Variants in PRKCZ observed in about 807,000 individuals in gnomAD.
PRKCZ encodes the protein protein kinase C zeta type.
PRKCZ carries 33 observed loss-of-function variants against 79.5 expected under a neutral mutation model. The observed-to-expected ratio is 0.41, with a 90% CI of 0.31 to 0.55. The LOEUF (loss-of-function observed/expected upper bound fraction) is 0.55. Among genes scored for constraint, PRKCZ ranks in the 20% least tolerant of loss-of-function variants. The pLI, the probability that PRKCZ is intolerant of heterozygous loss-of-function variation, is 0.19. For missense variants in PRKCZ, 578 were observed against 813.5 expected (o/e 0.71, Z 3.52); for synonymous variants, 342 against 320.9 (o/e 1.07, Z -0.70).
At chr1:2,175,186 T>C (rs1685201254) in intron 15 of PRKCZ, 38 bp from the exon 16 acceptor site, 1 of 1,580,288 alleles carries the variant, frequency 6.3e-7, no homozygotes, top group Admixed American at 1.7e-5. Flanking sequence ...GCTTCCGGGA[T>C]GGGGCTGACT....
At chr1:2,109,716 C>T (rs10910046) in intron 4 of PRKCZ, among the ~76,000 whole-genome samples, 79,079 of 152,040 alleles carry the variant, frequency 0.52, 21,708 homozygotes, top group Middle Eastern at 0.63. Flanking sequence ...TTTACGGGGT[C>T]GGGCTCTCAT....
upstream of PRKCZ, among the ~76,000 whole-genome samples, chr1:2,048,722 C>T (rs1659428789): frequency 6.6e-6 from 1 of 152,076 alleles, no homozygotes; most frequent in South Asian, 2.1e-4. Flanking sequence ...GCTGGGGATG[C>T]AAAGCGGGCC....
At chr1:2,136,469 A>G (rs1676218442) in intron 5 of PRKCZ, among the ~76,000 whole-genome samples, 1 of 152,258 alleles carries the variant, frequency 6.6e-6, no homozygotes, top group South Asian at 2.1e-4. Flanking sequence ...GAGGCATCTG[A>G]TCATACTGCC....
chr1:2,168,341 A>G lies in PRKCZ; in HGVS notation c.975-1177A>G, dbSNP rs1683740321. On this transcript the variant is annotated intron_variant, in intron 10 of 17. Transcript: ENST00000378567. This position sits in a 1 kb window ranked among gnomAD's most constrained non-coding sequence, Gnocchi z 4.7. The stretch of plus-strand genomic sequence containing the variant: ...AGGACAAGGGCCAGGTTACCAGAGA[A>G]TTTCCAGGCACATCCGTTGGAGGCA... 6.6e-6 allele frequency among the ~76,000 whole-genome samples: 1 copy of G among 152,138 alleles called. No homozygotes were observed. Among genetic ancestry groups the G allele is most frequent in the South Asian group, 2.1e-4 (1 of 4,834 alleles).
intron 5 of PRKCZ, chr1:2,141,667 A>C (rs1677347217): frequency 1.3e-5 from 2 of 155,142 alleles, no homozygotes; most frequent in South Asian, 1.7e-4. Context: ...ATTTGTAAAG[A>C]TACCTGGTGG....
rs916614669 is a variant in PRKCZ, at chr1:2,149,589, G to A, written c.687+665G>A. On this transcript the variant is annotated intron_variant, in intron 8 of 17. Coordinates refer to ENST00000378567, the MANE Select transcript of PRKCZ (RefSeq NM_002744.6). This position sits in a 1 kb window ranked among gnomAD's most constrained non-coding sequence, Gnocchi z 4.1. ...GAAAGCAGAATCTGAGGCTGAGCAC[G>A]GCGACTCACACCTCCAATCCCAGCA... Among the ~76,000 whole-genome samples, 10 of 152,202 alleles carry A rather than the reference G, an allele frequency of 6.6e-5. No individual in the cohort carries two copies. Among genetic ancestry groups the A allele is most frequent in the Non-Finnish European group, 1.3e-4 (9 of 68,038 alleles).
At chr1:2,083,411 C>T (rs1663939601) in intron 4 of PRKCZ, among the ~76,000 whole-genome samples, 2 of 152,132 alleles carry the variant, frequency 1.3e-5, no homozygotes, top group Non-Finnish European at 2.9e-5. Flanking sequence ...GTGAACTGTA[C>T]TGAAAATTTA....
chr1:2,055,712 AT>A lies in PRKCZ; in HGVS notation c.193+151del, dbSNP rs1388239573. 2.5e-6 allele frequency: 3 copies of A among 1,218,474 alleles called. No individual in the cohort carries two copies. The East Asian group carries it at 8.1e-5, about 33-fold the overall frequency. 75.5% of individuals were successfully genotyped at this position (1,218,474 alleles called of 1,614,324 possible). ...TGGCGCCAACTTTTCCCCAGTGGGGATGGTGGGAAAGAGGTTGGCCACAGAT... is the reference window on the plus strand; with the variant it reads ...TGGCGCCAACTTTTCCCCAGTGGGGAGGTGGGAAAGAGGTTGGCCACAGAT... On this transcript the variant is annotated intron_variant, in intron 2 of 17. Coordinates refer to ENST00000378567, the MANE Select transcript of PRKCZ (RefSeq NM_002744.6).
intron 4 of PRKCZ, chr1:2,073,625 A>G: frequency 1.0e-6 from 1 of 989,328 alleles, no homozygotes; most frequent in African/African-American, 1.7e-5. Context: ...CGTCAGCGTC[A>G]GCTCCTGCAC....
chr1:2,086,188 A>C (rs1664491785), intron 4 of PRKCZ, among the ~76,000 whole-genome samples: 1 of 151,652 alleles, frequency 6.6e-6, no homozygotes, highest in African/African-American at 2.4e-5. Context: ...CAGCCTCCCA[A>C]GTAGCTGGGA....
chr1:2,153,757 C>T (rs190671765), intron 9 of PRKCZ, among the ~76,000 whole-genome samples: 3 of 152,312 alleles, frequency 2.0e-5, no homozygotes, highest in Admixed American at 6.5e-5. Context: ...GTCGCTGCTG[C>T]GGTTTTGTTC....
intron 1 of PRKCZ, among the ~76,000 whole-genome samples, chr1:2,053,254 C>T (rs1659856404): frequency 6.6e-6 from 1 of 152,160 alleles, no homozygotes; most frequent in South Asian, 2.1e-4. Context: ...ACGCCCGCCA[C>T]CACGCCCGGT....
intron 4 of PRKCZ, among the ~76,000 whole-genome samples, chr1:2,062,332 C>T (rs919861235): frequency 1.3e-5 from 2 of 152,126 alleles, no homozygotes; most frequent in Non-Finnish European, 2.9e-5. Flanking sequence ...GTTTGGTGTC[C>T]GTGGAATCCT....
chr1:2,067,321 C>T (rs1661205627), intron 4 of PRKCZ, among the ~76,000 whole-genome samples: 1 of 152,184 alleles, frequency 6.6e-6, no homozygotes, highest in South Asian at 2.1e-4. Context: ...TACGTGTTCT[C>T]CCTAGTTGCT....
Position 2,178,593 on chromosome 1 carries a change from G to T in PRKCZ, c.1575+3280G>T, listed in dbSNP as rs755666345. Among the ~76,000 whole-genome samples the T allele has an allele frequency of 3.9e-5, 6 of 152,226 alleles. No individual in the cohort carries two copies. In the South Asian group the frequency reaches 1.2e-3, roughly 32 times the overall value. ...TTTCTCTTGGGCACGTGCTCAGGGCGCAGTTGCAGGTCCGGTGGTCTCAGT... is the reference window on the plus strand; with the variant it reads ...TTTCTCTTGGGCACGTGCTCAGGGCTCAGTTGCAGGTCCGGTGGTCTCAGT... On this transcript the variant is annotated intron_variant, in intron 16 of 17. Transcript: ENST00000378567. The surrounding 1 kb of genome is among the most constrained non-coding windows in gnomAD (Gnocchi z 4.3).
chr1:2,169,684 TG>T, intron 11 of PRKCZ, 80 bp downstream of exon 11: 1 of 417,458 alleles, frequency 2.4e-6, no homozygotes, highest in Non-Finnish European at 3.2e-6. Flanking sequence ...GGGGGCTGGG[TG>T]GGTGCGCACA....
Position 2,107,353 on chromosome 1 carries a change from C to T in PRKCZ, c.335-27909C>T, listed in dbSNP as rs1040055665. Among the ~76,000 whole-genome samples the T allele has an allele frequency of 8.5e-5, 13 of 152,332 alleles. No individual in the cohort carries two copies. In the South Asian group the frequency reaches 1.0e-3, roughly 12 times the overall value. On this transcript the variant is annotated intron_variant, in intron 4 of 17. Transcript: ENST00000378567. ...GCTCCAGACCTGCTTTTTTCCCGCACGTCACGTGTCCTGAGACCCCTCAGT... is the reference window on the plus strand; with the variant it reads ...GCTCCAGACCTGCTTTTTTCCCGCATGTCACGTGTCCTGAGACCCCTCAGT...
chr1:2,093,870 C>T (rs1269138620), intron 4 of PRKCZ, among the ~76,000 whole-genome samples: 2 of 152,166 alleles, frequency 1.3e-5, no homozygotes, highest in South Asian at 2.1e-4. Flanking sequence ...CGAGGATCCC[C>T]GCGTCGACGT....
intron 2 of PRKCZ, chr1:2,055,950 C>T (rs961970888): frequency 5.6e-5 from 11 of 197,380 alleles, no homozygotes; most frequent in African/African-American, 1.6e-4. Flanking sequence ...CAGGGCCTGC[C>T]GTGTCCACCT....
Sources: gnomAD v4.1 joint callset for allele counts (sites outside exome capture counted in the v4.1 genomes callset) on GRCh38, gnomAD v4.1.1 for gene constraint, Gnocchi (gnomAD v3.1) non-coding constraint, MANE v1.5 for transcripts, NCBI Gene and HGNC (gene_info 2026-07-23, HGNC 2026-07-21) for gene names.